Variants in FOXP2 observed in about 807,000 individuals in gnomAD.
The protein encoded by FOXP2 is forkhead box P2.
In FOXP2, 12 loss-of-function variants were observed where a neutral mutation model predicts 115.8. That is an observed-to-expected ratio of 0.10 (90% CI 0.07 to 0.17). The LOEUF is 0.17. Ranked by LOEUF, FOXP2 falls within the 10% of genes least tolerant of loss-of-function variation. The probability of loss-of-function intolerance (pLI) is 1.00; values close to 1 mark genes in which losing one functional copy is unlikely to be tolerated. For synonymous variants in FOXP2, 328 were observed against 297.7 expected (o/e 1.10, Z -1.05); for missense variants, 629 against 843.5 (o/e 0.75, Z 3.15).
chr7:114,152,027 C>T (rs1792541305), intron 1 of FOXP2, among the ~76,000 whole-genome samples: 1 of 152,070 alleles, frequency 6.6e-6, no homozygotes, highest in African/African-American at 2.4e-5. Context: ...AGATCTAAAA[C>T]TACAGCTCGA....
intron 14 of FOXP2, 141 bp downstream of exon 14, chr7:114,662,327 A>T (rs1432699169): frequency 1.7e-6 from 2 of 1,145,764 alleles, no homozygotes; most frequent in Non-Finnish European, 2.6e-6. Flanking sequence ...TTTTGAATCT[A>T]GGTGTAGGTG....
intron 3 of FOXP2, chr7:114,570,698 C>T: frequency 1.2e-6 from 1 of 815,230 alleles, no homozygotes; most frequent in Non-Finnish European, 2.1e-6. Context: ...TTTGACCTAC[C>T]AAGATAATAA....
intron 2 of FOXP2, among the ~76,000 whole-genome samples, chr7:114,451,628 G>C (rs1460031726): frequency 6.6e-6 from 1 of 151,964 alleles, no homozygotes; most frequent in Non-Finnish European, 1.5e-5. Context: ...TATAGTGCTT[G>C]CCCGCTTTGA....
chr7:114,404,921 A>T (rs1792996635), intron 2 of FOXP2, among the ~76,000 whole-genome samples: 2 of 151,990 alleles, frequency 1.3e-5, no homozygotes, highest in Non-Finnish European at 2.9e-5. Flanking sequence ...AGTGTTTAGC[A>T]TCATTTAATG....
At chr7:114,212,374 C>T in intron 1 of FOXP2, among the ~76,000 whole-genome samples, 1 of 151,608 alleles carries the variant, frequency 6.6e-6, no homozygotes. Flanking sequence ...TGTTGAACAC[C>T]TCTTATATGC....
chr7:114,603,201 G>A lies in FOXP2; in HGVS notation c.259-25339G>A, dbSNP rs1426302022. 3.3e-5 allele frequency among the ~76,000 whole-genome samples: 5 copies of A among 152,098 alleles called. No homozygotes were observed. In the East Asian group the frequency reaches 9.6e-4, roughly 29 times the overall value. ...ATCAAAGTTGAGGCTCAGGTGCAAAGACATCAGAGTTGTATTAATTAATAT... is the reference window on the plus strand; with the variant it reads ...ATCAAAGTTGAGGCTCAGGTGCAAAAACATCAGAGTTGTATTAATTAATAT... On this transcript the variant is annotated intron_variant, in intron 3 of 16. Transcript: ENST00000350908.
chr7:114,537,990 C>T (rs1799478757), intron 3 of FOXP2, among the ~76,000 whole-genome samples: 1 of 151,620 alleles, frequency 6.6e-6, no homozygotes, highest in South Asian at 2.1e-4. Flanking sequence ...CAGCTTCTCA[C>T]TTTAATTTGT....
At chr7:114,592,280 T>A (rs1190827437) in intron 3 of FOXP2, among the ~76,000 whole-genome samples, 1 of 152,116 alleles carries the variant, frequency 6.6e-6, no homozygotes, top group Non-Finnish European at 1.5e-5. Context: ...AGTATTCTTA[T>A]CAGTCTTATA....
At chr7:114,132,570 T>TGAGAGA in intron 1 of FOXP2, among the ~76,000 whole-genome samples, 3 of 132,246 alleles carry the variant, frequency 2.3e-5, no homozygotes, top group African/African-American at 8.8e-5. Flanking sequence ...TGTGTGTGTG[T>TGAGAGA]GTGTGTGTGT....
At chr7:114,212,743 A>T (rs1365487037) in intron 1 of FOXP2, among the ~76,000 whole-genome samples, 1 of 152,240 alleles carries the variant, frequency 6.6e-6, no homozygotes, top group African/African-American at 2.4e-5. Flanking sequence ...TTAAGAATAG[A>T]ATAAGACAGA....
intron 1 of FOXP2, among the ~76,000 whole-genome samples, chr7:114,239,828 T>A (rs1795106940): frequency 6.6e-6 from 1 of 152,172 alleles, no homozygotes; most frequent in African/African-American, 2.4e-5. Flanking sequence ...TGGACTAAGT[T>A]TAAATTTTAT....
At chr7:114,160,496 T>TA (rs35334284), upstream of FOXP2, among the ~76,000 whole-genome samples, 1 of 151,756 alleles carries the variant, frequency 6.6e-6, no homozygotes, top group East Asian at 1.9e-4. Flanking sequence ...AATGTTTATT[T>TA]AAAAAAAAGG....
chr7:114,678,231 CAGGATAGATGTAA>C (rs929595110), intron 16 of FOXP2, among the ~76,000 whole-genome samples: 1 of 152,032 alleles, frequency 6.6e-6, no homozygotes, highest in Non-Finnish European at 1.5e-5. Context: ...TGAGGAAAGG[CAGGATAGATGTAA>C]AGGACATGAG....
At chr7:114,148,129 G>A (rs1343046170) in intron 1 of FOXP2, among the ~76,000 whole-genome samples, 1 of 152,190 alleles carries the variant, frequency 6.6e-6, no homozygotes, top group Non-Finnish European at 1.5e-5. Context: ...TTAGGGCAAA[G>A]CCCCACCGAT....
intron 2 of FOXP2, among the ~76,000 whole-genome samples, chr7:114,523,457 T>C (rs968099112): frequency 6.6e-6 from 1 of 152,154 alleles, no homozygotes; most frequent in Admixed American, 6.6e-5. Flanking sequence ...AGAGGCTATC[T>C]GCCTCAAGCC....
At chr7:114,550,028 A>G (rs1286580157) in intron 3 of FOXP2, among the ~76,000 whole-genome samples, 1 of 151,900 alleles carries the variant, frequency 6.6e-6, no homozygotes, top group Admixed American at 6.6e-5. Context: ...TCTTAATACC[A>G]AGGCAGGTAT....
intron 1 of FOXP2, among the ~76,000 whole-genome samples, chr7:114,098,564 A>C (rs935294928): frequency 1.3e-5 from 2 of 152,198 alleles, no homozygotes; most frequent in African/African-American, 4.8e-5. Context: ...CCAGATACAA[A>C]AGTCAATTCA....
chr7:114,101,392 A>G (rs1052451175), intron 1 of FOXP2, among the ~76,000 whole-genome samples: 1 of 152,150 alleles, frequency 6.6e-6, no homozygotes. Flanking sequence ...ACAAATAGTA[A>G]GTTGATTTAC....
At chr7:114,549,495 T>C (rs556379412) in intron 3 of FOXP2, among the ~76,000 whole-genome samples, 2 of 152,162 alleles carry the variant, frequency 1.3e-5, no homozygotes, top group Non-Finnish European at 2.9e-5. Context: ...TTCTGGAGGA[T>C]GGAGGAAGAA....
Sources: allele counts gnomAD v4.1 joint callset (sites outside exome capture counted in the v4.1 genomes callset), GRCh38; gene constraint gnomAD v4.1.1; transcripts MANE v1.5; gene names NCBI Gene and HGNC (gene_info 2026-07-23, HGNC 2026-07-21).